Variants in DPYD observed in about 807,000 individuals in gnomAD.
The protein encoded by DPYD is dihydropyrimidine dehydrogenase.
Under a neutral mutation model 116.2 loss-of-function variants are expected in DPYD, and 109 were observed. That is an observed-to-expected ratio of 0.94 (90% CI 0.80 to 1.10). The LOEUF (loss-of-function observed/expected upper bound fraction) is 1.10. Among genes scored for constraint, DPYD ranks in the 50% least tolerant of loss-of-function variants. The probability of loss-of-function intolerance (pLI) is 0.00; values close to 1 mark genes in which losing one functional copy is unlikely to be tolerated. For synonymous variants in DPYD, 440 were observed against 432.0 expected (o/e 1.02, Z -0.23); for missense variants, 1,302 against 1,254.5 (o/e 1.04, Z -0.57).
chr1:97,231,208 T>C (rs1401762743), intron 19 of DPYD, among the ~76,000 whole-genome samples: 1 of 152,166 alleles, frequency 6.6e-6, no homozygotes, highest in African/African-American at 2.4e-5. Flanking sequence ...TGAGTGGGCA[T>C]GGAAGACTTG....
At chr1:97,689,058 T>C (rs1386849731) in intron 7 of DPYD, among the ~76,000 whole-genome samples, 1 of 151,282 alleles carries the variant, frequency 6.6e-6, no homozygotes, top group African/African-American at 2.4e-5. Context: ...GAATTCCATG[T>C]ATTATACCTC....
At chr1:97,285,904 C>T (rs886377343) in intron 18 of DPYD, among the ~76,000 whole-genome samples, 1 of 151,998 alleles carries the variant, frequency 6.6e-6, no homozygotes, top group African/African-American at 2.4e-5. Flanking sequence ...TTAACTGGAC[C>T]ATTTAGTCCA....
chr1:97,477,599 T>C (rs1048603082), intron 13 of DPYD, among the ~76,000 whole-genome samples: 2 of 132,868 alleles, frequency 1.5e-5, no homozygotes, highest in East Asian at 4.8e-4. Context: ...TCCATGACTG[T>C]TCTTCTTTTT....
chr1:97,079,096 A>T lies in DPYD; in HGVS notation c.2958T>A (p.Cys986Ter). 6.2e-7 allele frequency: 1 copy of T among 1,613,768 alleles called. No homozygotes were observed. Among genetic ancestry groups the T allele is most frequent in the Non-Finnish European group, 8.5e-7 (1 of 1,179,730 alleles). Residue 986 changes from cysteine (C) to a stop codon, truncating the protein, a stop_gained, in exon 23 of 23, where the codon TGT becomes TGA. Coordinates refer to ENST00000370192, the MANE Select transcript of DPYD (RefSeq NM_000110.4). LOFTEE classifies it high-confidence loss of function. ...ETHLPTITDT[C>*]TGCTLCLSVC... is the part of the protein sequence containing the mutation. Reference sequence around the variant, plus strand: ...CACTGAGACACAGAGTACAGCCTGTACAAGTGTCGGTTATGGTGGGCAGGT... The same window carrying T: ...CACTGAGACACAGAGTACAGCCTGTTCAAGTGTCGGTTATGGTGGGCAGGT...
At chr1:97,347,534 T>A (rs915451830) in intron 16 of DPYD, among the ~76,000 whole-genome samples, 2 of 152,060 alleles carry the variant, frequency 1.3e-5, no homozygotes, top group Non-Finnish European at 2.9e-5. Context: ...GGATTCTGCA[T>A]GTTAACATTT....
chr1:97,874,500 T>C (rs945768123), intron 2 of DPYD, among the ~76,000 whole-genome samples: 1 of 151,898 alleles, frequency 6.6e-6, no homozygotes, highest in Non-Finnish European at 1.5e-5. Context: ...TCTATACAAA[T>C]GTCTACCAAT....
chr1:97,532,535 T>C (rs529965859), intron 12 of DPYD, among the ~76,000 whole-genome samples: 1 of 152,276 alleles, frequency 6.6e-6, no homozygotes, highest in Admixed American at 6.5e-5. Flanking sequence ...GTTGGTTTTT[T>C]ATTACTGACT....
chr1:97,466,508 C>G (rs1004953650), intron 13 of DPYD, among the ~76,000 whole-genome samples: 2 of 151,792 alleles, frequency 1.3e-5, no homozygotes, highest in South Asian at 4.2e-4. Flanking sequence ...ATGCCTGTCT[C>G]GGTGTCAAGA....
rs530102775 is a variant in DPYD, at chr1:97,537,914, A to G, written c.1524+11646T>C. Among the ~76,000 whole-genome samples the G allele has an allele frequency of 2.8e-4, 43 of 152,316 alleles. 2 individuals carry two copies. The highest frequency in any genetic ancestry group is 1.0e-3 in the African/African-American group (42 of 41,562). ...AAAGTTCAGGACCAGCCTGACCAAC[A>G]AAACTAACTGGGCGTGGTGGCATAT... On this transcript the variant is annotated intron_variant, in intron 12 of 22. Transcript: ENST00000370192.
chr1:97,665,829 G>A (rs1413198080), intron 8 of DPYD, among the ~76,000 whole-genome samples: 6 of 152,142 alleles, frequency 3.9e-5, no homozygotes, highest in Non-Finnish European at 8.8e-5. Flanking sequence ...TAATTCCACT[G>A]TACTGCCCTG....
intron 6 of DPYD, among the ~76,000 whole-genome samples, chr1:97,696,790 T>C (rs1661330672): frequency 1.3e-5 from 2 of 152,160 alleles, no homozygotes; most frequent in East Asian, 1.9e-4. Context: ...CTTCAGTTTA[T>C]TACTATAGAG....
chr1:97,517,176 G>C (rs1180899102), intron 12 of DPYD, among the ~76,000 whole-genome samples: 1 of 152,070 alleles, frequency 6.6e-6, no homozygotes, highest in Non-Finnish European at 1.5e-5. Context: ...AGAGATGCCT[G>C]ATGGGATCCA....
At position 97,082,895 on chromosome 1, in the gene DPYD, A is replaced by G. The variant is rs189846644; in HGVS notation, c.2767-425T>C. Among the ~76,000 whole-genome samples, 655 of 152,280 alleles carry G rather than the reference A, an allele frequency of 4.3e-3. 3 individuals carry two copies. The highest frequency in any genetic ancestry group is 6.8e-3 in the Middle Eastern group (2 of 294). ...GTTTAGATTGCTCATAATGAAGGGA[A>G]TACGAGTGTGAATGTTATGCATTTA... is the stretch of plus-strand genomic sequence containing the variant. On this transcript the variant is annotated intron_variant, in intron 21 of 22. Transcript: ENST00000370192.
intron 5 of DPYD, among the ~76,000 whole-genome samples, chr1:97,704,786 T>A (rs530581942): frequency 2.6e-4 from 40 of 152,050 alleles, no homozygotes; most frequent in African/African-American, 9.6e-4. Context: ...CAGTTGTCCA[T>A]CAACTGACTA....
chr1:97,680,501 T>G (rs1199686444), intron 7 of DPYD, among the ~76,000 whole-genome samples: 2 of 152,196 alleles, frequency 1.3e-5, no homozygotes, highest in East Asian at 3.8e-4. Context: ...AGACTGCATG[T>G]GGCCATTGAT....
intron 16 of DPYD, among the ~76,000 whole-genome samples, chr1:97,329,322 A>G (rs756684004): frequency 1.8e-4 from 28 of 152,204 alleles, no homozygotes; most frequent in Non-Finnish European, 2.5e-4. Flanking sequence ...TTCAAAATAA[A>G]GTATATGTCT....
chr1:97,812,828 A>G (rs2101397723), intron 3 of DPYD, among the ~76,000 whole-genome samples: 1 of 152,284 alleles, frequency 6.6e-6, no homozygotes. Flanking sequence ...GATATAGTCA[A>G]GAAACCCTTC....
intron 8 of DPYD, among the ~76,000 whole-genome samples, chr1:97,644,075 A>C (rs1658101209): frequency 1.3e-5 from 2 of 152,104 alleles, no homozygotes; most frequent in South Asian, 4.1e-4. Context: ...TAGAACTTAA[A>C]GTATAATAAA....
intron 16 of DPYD, among the ~76,000 whole-genome samples, chr1:97,335,228 T>C (rs764783145): frequency 4.0e-5 from 6 of 151,644 alleles, no homozygotes; most frequent in Non-Finnish European, 8.8e-5. Context: ...CTAATCAAAC[T>C]AAGCTCATCA....
Sources: allele counts gnomAD v4.1 joint callset (sites outside exome capture counted in the v4.1 genomes callset), GRCh38; gene constraint gnomAD v4.1.1; transcripts MANE v1.5; gene names NCBI Gene and HGNC (gene_info 2026-07-23, HGNC 2026-07-21).